BPTF: variants seen among roughly 807,000 people sequenced by gnomAD.
The protein encoded by BPTF is nucleosome-remodeling factor subunit BPTF.
In BPTF, 18 loss-of-function variants were observed where a neutral mutation model predicts 292.5. The observed-to-expected ratio is 0.06, with a 90% CI of 0.04 to 0.09. BPTF has a LOEUF of 0.09. Among genes scored for constraint, BPTF ranks in the 10% least tolerant of loss-of-function variants. The pLI, the probability that BPTF is intolerant of heterozygous loss-of-function variation, is 1.00. For synonymous variants in BPTF, 1,225 were observed against 1,251.9 expected, an observed-to-expected ratio of 0.98 and a Z score of 0.45; for missense variants, 2,726 against 3,498.7, an observed-to-expected ratio of 0.78 and a Z score of 5.57.
At chr17:67,877,434 T>C (rs187610664) in intron 4 of BPTF, among the ~76,000 whole-genome samples, 191 of 152,340 alleles carry the variant, frequency 1.3e-3, no homozygotes, top group African/African-American at 4.4e-3. Context: ...AGATGCCTTG[T>C]TAGAAGAATT....
At chr17:67,840,331 T>C (rs558035327) in intron 1 of BPTF, among the ~76,000 whole-genome samples, 1 of 152,198 alleles carries the variant, frequency 6.6e-6, no homozygotes, top group African/African-American at 2.4e-5. Context: ...GATTTCAAAC[T>C]CCTGGGCTCA....
At chr17:67,869,230 G>GAT (rs1387481742) in intron 3 of BPTF, among the ~76,000 whole-genome samples, 1 of 152,022 alleles carries the variant, frequency 6.6e-6, no homozygotes, top group Non-Finnish European at 1.5e-5. Context: ...GGCAATGTGA[G>GAT]ATAGGATTTT....
Position 67,959,736 on chromosome 17 carries a change from T to C in BPTF, c.8122T>C (p.Ser2708Pro), listed in dbSNP as rs141844439. The change falls in exon 24 of 28, where the codon TCC (serine) becomes CCC (proline). Residue 2708 changes from serine (S) to proline (P), a missense_variant. Physicochemically the swap from Ser to Pro is moderately conservative, Grantham distance 74. Around this residue, in one of 22 missense-constraint regions of BPTF, gnomAD observed 148 missense variants for 145.5 expected, o/e 1.02. Coordinates refer to ENST00000306378, the MANE Select transcript of BPTF (RefSeq NM_182641.4). ...GTCCACGCCCACCTTACCTGCTGCT[T>C]CCCAGAAGAGGAAGCGGGAAGAGGA... Reference protein sequence around the residue: ...LLSTPTLPAASQKRKREEEKD... With the variant: ...LLSTPTLPAAPQKRKREEEKD... The C allele has an allele frequency of 1.2e-6, 2 of 1,609,398 alleles. No homozygotes were observed. The highest frequency in any genetic ancestry group is 1.7e-6 in the Non-Finnish European group (2 of 1,177,754).
At chr17:67,928,777 A>G (rs1369783646) in intron 16 of BPTF, among the ~76,000 whole-genome samples, 176 bp downstream of exon 16, 2 of 152,236 alleles carry the variant, frequency 1.3e-5, no homozygotes, top group Admixed American at 6.5e-5. Context: ...TTACATTAGC[A>G]AACTCCTCTC....
chr17:67,975,518 G>A (rs1290517350), intron 26 of BPTF: 3 of 345,624 alleles, frequency 8.7e-6, no homozygotes, highest in South Asian at 5.6e-5. Flanking sequence ...AATGAAGAAC[G>A]GTTCTGTGCA....
rs1230066669 is a variant in BPTF at position 67,945,543 on chromosome 17, CCCCAGCCCCAAA to C, written c.6846_6857del (p.Thr2283_Gln2286del). On this transcript the variant is annotated inframe_deletion, in exon 21 of 28. Transcript: ENST00000306378. ...ACAGACTGCTCAGCCTTCAGCTCAG[CCCCAGCCCCAAA>C]CCCAGCCCCAGTCCCCAGCTCAGCC... 6.2e-7 allele frequency: 1 copy of C among 1,612,464 alleles called. No homozygotes were observed. Among genetic ancestry groups the C allele is most frequent in the Non-Finnish European group, 8.5e-7 (1 of 1,179,286 alleles).
chr17:67,880,373 G>C (rs1372775636), intron 4 of BPTF, among the ~76,000 whole-genome samples: 3 of 151,948 alleles, frequency 2.0e-5, no homozygotes, highest in African/African-American at 7.3e-5. Context: ...TTGCTTTGAT[G>C]GTTTGTAGTT....
chr17:67,925,051 G>GT (rs59056539), intron 15 of BPTF, among the ~76,000 whole-genome samples: 4,458 of 126,050 alleles, frequency 0.035, 214 homozygotes, highest in African/African-American at 0.1. Context: ...ACCCATCCAG[G>GT]TTTTTTTTTT....
At position 67,946,029 on chromosome 17, in the gene BPTF, C is replaced by T. The variant is rs782167494; in HGVS notation, c.7321C>T (p.Gln2441Ter). ...QVIAVPQLQQ[Q>*]VQVLSQIQSQ... ...CATTGCTGTGCCTCAGCTGCAACAACAAGTCCAGGTTCTCTCTCAGATCCA... is the reference window on the plus strand; with the variant it reads ...CATTGCTGTGCCTCAGCTGCAACAATAAGTCCAGGTTCTCTCTCAGATCCA... Residue 2441 changes from glutamine to a stop codon, truncating the protein, a stop_gained, in exon 21 of 28, where the codon CAA (glutamine) becomes TAA (stop). Coordinates refer to ENST00000306378, the MANE Select transcript of BPTF (RefSeq NM_182641.4). LOFTEE classifies it high-confidence loss of function. The T allele has an allele frequency of 6.2e-7, 1 of 1,614,082 alleles. No homozygotes were observed. The highest frequency in any genetic ancestry group is 8.5e-7 in the Non-Finnish European group (1 of 1,180,042).
At chr17:67,929,693 A>G (rs908183149) in intron 17 of BPTF, among the ~76,000 whole-genome samples, 41 of 152,200 alleles carry the variant, frequency 2.7e-4, no homozygotes, top group South Asian at 2.1e-4. Flanking sequence ...TTAATGACAC[A>G]TTAGTATGGT....
chr17:67,956,708 A>G (rs2066979432), intron 23 of BPTF: 2 of 151,398 alleles, frequency 1.3e-5, no homozygotes, highest in Non-Finnish European at 2.9e-5. Context: ...TTACGCCTGT[A>G]ATCACAGCAC....
rs566050569 is a variant in BPTF at position 67,885,944 on chromosome 17, G to C, written c.1865-5900G>C. ...AAAAAGTCAGTGAGTTAATAGCCTG[G>C]AAGACTTAAAAAAATAAGGTGTTGC... is the stretch of plus-strand genomic sequence containing the variant. On this transcript the variant is annotated intron_variant, in intron 4 of 27. Coordinates refer to ENST00000306378, the MANE Select transcript of BPTF (RefSeq NM_182641.4). Among the ~76,000 whole-genome samples the C allele has an allele frequency of 3.9e-5, 6 of 152,202 alleles. No individual in the cohort carries two copies. The South Asian group carries it at 1.2e-3, about 32-fold the overall frequency.
rs1280950839 is a variant in BPTF at position 67,881,852 on chromosome 17, G to GTT, written c.1864+6836_1864+6837dup. Among the ~76,000 whole-genome samples the GTT allele has an allele frequency of 2.8e-3, 108 of 38,376 alleles. 1 individual carries two copies. Among genetic ancestry groups the GTT allele is most frequent in the East Asian group, 0.012 (16 of 1,284 alleles). The allele number at this position is 38,376 out of a possible 152,430, so 25.2% of individuals were successfully genotyped here. On this transcript the variant is annotated intron_variant, in intron 4 of 27. Coordinates refer to ENST00000306378, the MANE Select transcript of BPTF (RefSeq NM_182641.4). ...TAATATGGAGTTTTGGGGATTTTGG[G>GTT]TTTTTGTTTTTTTTTTTTTTTTTTT...
At chr17:67,923,383 C>T (rs1289573207) in intron 14 of BPTF, among the ~76,000 whole-genome samples, 2 of 148,392 alleles carry the variant, frequency 1.3e-5, no homozygotes, top group Admixed American at 6.7e-5. Flanking sequence ...ATCATTTATT[C>T]AGTGCAGTAA....
chr17:67,946,118 G>A lies in BPTF; in HGVS notation c.7410G>A (p.Gln2470=). The change falls in exon 21 of 28, where the codon CAG becomes CAA. Residue 2470 remains glutamine (Q), a synonymous_variant. Coordinates refer to ENST00000306378, the MANE Select transcript of BPTF (RefSeq NM_182641.4). ...QSGVPQQIKL[Q]LPIQIQQSSA... is the part of the protein sequence containing the mutation. ...GTGTGCCCCAGCAAATCAAACTCCA[G>A]TTACCTATCCAAATTCAGCAAAGCA... 1 of 1,614,118 alleles carries A rather than the reference G, an allele frequency of 6.2e-7. No individual in the cohort carries two copies. Among genetic ancestry groups the A allele is most frequent in the South Asian group, 1.1e-5 (1 of 91,076 alleles).
chr17:67,872,942 C>A (rs553082102), intron 3 of BPTF, among the ~76,000 whole-genome samples: 141 of 152,108 alleles, frequency 9.3e-4, no homozygotes, highest in Middle Eastern at 3.4e-3. Flanking sequence ...AAAAAATTAG[C>A]CAGGCGTGGT....
chr17:67,829,481 C>G (rs1050548168), intron 1 of BPTF, among the ~76,000 whole-genome samples: 17 of 151,378 alleles, frequency 1.1e-4, no homozygotes, highest in East Asian at 1.9e-4. Flanking sequence ...CCCCACCCCC[C>G]GGATGTGACA....
Position 67,826,045 on chromosome 17 carries a change from C to T in BPTF, c.321C>T (p.Gly107=), listed in dbSNP as rs1343674593. ...GCGGCAGGACGGGGGGCGGGGGCGG[C>T]GGCGGCCACCTGGCCCGGACCACCG... ...GGGGRTGGGG[G]GGHLARTTAA... is the part of the protein sequence containing the mutation. Residue 107 remains glycine, a synonymous_variant, in exon 1 of 28, where the codon GGC becomes GGT. Coordinates refer to ENST00000306378, the MANE Select transcript of BPTF (RefSeq NM_182641.4). 1.7e-6 allele frequency: 2 copies of T among 1,178,200 alleles called. No homozygotes were observed. Among genetic ancestry groups the T allele is most frequent in the Non-Finnish European group, 2.2e-6 (2 of 922,466 alleles). The allele number at this position is 1,178,200 out of a possible 1,614,324, so 73.0% of individuals were successfully genotyped here.
In BPTF at chr17:67,959,784, A is replaced by G; in HGVS notation, c.8170A>G (p.Lys2724Glu). ...EEEKDSSSKSKKKKMISTTSK... is the reference protein window; with the variant it reads ...EEEKDSSSKSEKKKMISTTSK... ...GGAAAAAGACTCCAGCTCAAAGTCC[A>G]AGAAAAAGAAAATGATCTCTACTAC... Residue 2724 changes from lysine (K) to glutamate (E), a missense_variant, in exon 24 of 28, where the codon AAG (lysine) becomes GAG (glutamate). Lys to Glu is a moderately conservative substitution (Grantham distance 56). Coordinates refer to ENST00000306378, the MANE Select transcript of BPTF (RefSeq NM_182641.4). The G allele has an allele frequency of 6.2e-7, 1 of 1,614,170 alleles. No homozygotes were observed. The highest frequency in any genetic ancestry group is 1.1e-5 in the South Asian group (1 of 91,080).
Sources: allele counts gnomAD v4.1 joint callset (sites outside exome capture counted in the v4.1 genomes callset), GRCh38; gene constraint gnomAD v4.1.1; regional missense constraint gnomAD v4.1.1; transcripts MANE v1.5; gene names NCBI Gene and HGNC (gene_info 2026-07-23, HGNC 2026-07-21).